The following SPAST variants were observed in gnomAD, a reference collection of about 807,000 sequenced individuals.
The protein encoded by SPAST is spastin, also known as spastic paraplegia 4 (autosomal dominant; spastin).
Under a neutral mutation model 76.6 loss-of-function variants are expected in SPAST, and 30 were observed. The observed-to-expected ratio is 0.39, with a 90% CI of 0.29 to 0.53. SPAST has a LOEUF of 0.53. SPAST is among the 20% of genes least tolerant of loss of function. SPAST has a pLI of 0.68. For missense variants in SPAST, 717 were observed against 770.5 expected, an observed-to-expected ratio of 0.93 and a Z score of 0.82; for synonymous variants, 305 against 281.0, an observed-to-expected ratio of 1.09 and a Z score of -0.86.
chr2:32,121,535 C>CA, intron 7 of SPAST, among the ~76,000 whole-genome samples: 1 of 102,742 alleles, frequency 9.7e-6, no homozygotes, highest in African/African-American at 3.8e-5. Flanking sequence ...ATCTTTCTCA[C>CA]TTTTTTTTTT....
chr2:32,065,778 C>A (rs935374756), intron 1 of SPAST, among the ~76,000 whole-genome samples: 1 of 152,120 alleles, frequency 6.6e-6, no homozygotes, highest in African/African-American at 2.4e-5. Flanking sequence ...AAAAACTGTT[C>A]TAGAATTTCA....
At chr2:32,109,811 CACAT>C (rs979491060) in intron 4 of SPAST, among the ~76,000 whole-genome samples, 15 of 148,576 alleles carry the variant, frequency 1.0e-4, no homozygotes, top group African/African-American at 2.0e-4. Context: ...TATGTATACA[CACAT>C]ACATATATAG....
chr2:32,122,769 A>G (rs929287403), intron 7 of SPAST, among the ~76,000 whole-genome samples: 1 of 141,652 alleles, frequency 7.1e-6, no homozygotes, highest in Non-Finnish European at 1.6e-5. Flanking sequence ...GTGAAACCCC[A>G]TCTATATTTA....
chr2:32,143,357 A>C lies in SPAST; in HGVS notation c.1558A>C (p.Asn520His). Residue 520 changes from asparagine (N) to histidine (H), a missense_variant, in exon 14 of 17, where the codon AAT becomes CAT. Coordinates refer to ENST00000315285, the MANE Select transcript of SPAST (RefSeq NM_014946.4). ...TCAGACAAGACTACTTTTGCTTAAAAATCTGTTATGTAAACAAGGAAGTCC... is the reference window on the plus strand; with the variant it reads ...TCAGACAAGACTACTTTTGCTTAAACATCTGTTATGTAAACAAGGAAGTCC... ...NEETRLLLLK[N>H]LLCKQGSPLT... The C allele has an allele frequency of 1.2e-6, 2 of 1,601,704 alleles. No individual in the cohort carries two copies. Among genetic ancestry groups the C allele is most frequent in the Non-Finnish European group, 1.7e-6 (2 of 1,169,424 alleles).
Position 32,128,247 on chromosome 2 carries a change from G to A in SPAST, c.1174-161G>A, listed in dbSNP as rs2294176. ...TGGCCTCAAGTGATGCGCCTGCCTC[G>A]GCCTCCGAAAGTGCTGGGATTACAG... On this transcript the variant is annotated intron_variant, in intron 8 of 16. Transcript: ENST00000315285. 0.38 allele frequency: 223,501 copies of A among 590,124 alleles called. 44,777 individuals carry two copies. Among genetic ancestry groups the A allele is most frequent in the East Asian group, 0.61 (19,927 of 32,692 alleles). 36.6% of individuals were successfully genotyped at this position (590,124 alleles called of 1,614,324 possible).
chr2:32,129,267 T>A (rs1027646750), intron 9 of SPAST: 2 of 151,584 alleles, frequency 1.3e-5, no homozygotes, highest in Non-Finnish European at 2.9e-5. Flanking sequence ...TTTTTTTTTT[T>A]ATAATAGAGA....
chr2:32,078,697 C>T (rs1318222982), intron 1 of SPAST, among the ~76,000 whole-genome samples: 1 of 152,080 alleles, frequency 6.6e-6, no homozygotes, highest in Non-Finnish European at 1.5e-5. Context: ...TGAAAATCTT[C>T]CTTAACCTTA....
intron 9 of SPAST, chr2:32,130,051 T>G (rs1679318691): frequency 6.6e-6 from 1 of 152,494 alleles, no homozygotes; most frequent in Admixed American, 6.6e-5. Context: ...ATCCCAGTAC[T>G]TTGGGAGACT....
At chr2:32,124,040 A>T (rs1264540453) in intron 7 of SPAST, among the ~76,000 whole-genome samples, 1 of 152,130 alleles carries the variant, frequency 6.6e-6, no homozygotes, top group Non-Finnish European at 1.5e-5. Context: ...TGTTTAAATT[A>T]TAAACTTCTG....
Position 32,124,807 on chromosome 2 carries a change from A to C in SPAST, c.1099-2141A>C, listed in dbSNP as rs547183998. Among the ~76,000 whole-genome samples the C allele has an allele frequency of 7.9e-5, 12 of 152,350 alleles. No individual in the cohort carries two copies. In the East Asian group the frequency reaches 2.3e-3, roughly 29 times the overall value. On this transcript the variant is annotated intron_variant, in intron 7 of 16. Transcript: ENST00000315285. ...AGCCAGTCTGAAGAGGCTACACTAT[A>C]GGATTCTGACTATATGATGTTTTGG...
intron 4 of SPAST, among the ~76,000 whole-genome samples, chr2:32,105,859 C>T (rs534220599): frequency 6.6e-6 from 1 of 152,298 alleles, no homozygotes; most frequent in African/African-American, 2.4e-5. Flanking sequence ...TATGAGGCGT[C>T]AGTCAGCCCG....
At chr2:32,111,434 A>G (rs929441191) in intron 4 of SPAST, among the ~76,000 whole-genome samples, 2 of 146,932 alleles carry the variant, frequency 1.4e-5, no homozygotes, top group African/African-American at 4.9e-5. Context: ...TAGAGTATAT[A>G]TATAGTATAC....
rs1402262221 is a variant in SPAST at position 32,156,865 on chromosome 2, A to G, written c.*2369A>G. The G allele has an allele frequency of 6.6e-6, 1 of 152,202 alleles. No homozygotes were observed. The highest frequency in any genetic ancestry group is 1.5e-5 in the Non-Finnish European group (1 of 68,012). 9.4% of individuals were successfully genotyped at this position (152,202 alleles called of 1,614,324 possible). On this transcript the variant is annotated 3_prime_UTR_variant, in exon 17 of 17. Coordinates refer to ENST00000315285, the MANE Select transcript of SPAST (RefSeq NM_014946.4). ...TTAAACACTGAGTCAGAAAATCATT[A>G]CTGTATAGAAGTTGCTTTCCTGATC...
chr2:32,143,366 T>C lies in SPAST; in HGVS notation c.1567T>C (p.Cys523Arg), dbSNP rs765930645. The C allele has an allele frequency of 1.1e-5, 17 of 1,607,772 alleles. No individual in the cohort carries two copies. The highest frequency in any genetic ancestry group is 1.7e-4 in the Middle Eastern group (1 of 6,020). Residue 523 changes from cysteine (C) to arginine (R), a missense_variant, in exon 14 of 17, where the codon TGT becomes CGT. By Grantham distance (180) the Cys-to-Arg change is radical. Around this residue, in one of 3 missense-constraint regions of SPAST, gnomAD observed 96 missense variants for 127.6 expected, o/e 0.75. Coordinates refer to ENST00000315285, the MANE Select transcript of SPAST (RefSeq NM_014946.4). The part of the protein sequence containing the change: ...TRLLLLKNLL[C>R]KQGSPLTQKE... ...ACTACTTTTGCTTAAAAATCTGTTATGTAAACAAGGAAGTCCATTGACCCA... is the reference window on the plus strand; with the variant it reads ...ACTACTTTTGCTTAAAAATCTGTTACGTAAACAAGGAAGTCCATTGACCCA...
chr2:32,079,504 T>TAA (rs111840558), intron 1 of SPAST, among the ~76,000 whole-genome samples: 14 of 144,862 alleles, frequency 9.7e-5, no homozygotes, highest in Non-Finnish European at 1.4e-4. Flanking sequence ...AGACCCAGTC[T>TAA]AAAAAAAAAA....
At chr2:32,109,912 A>G (rs1678473284) in intron 4 of SPAST, among the ~76,000 whole-genome samples, 2 of 148,684 alleles carry the variant, frequency 1.3e-5, no homozygotes, top group African/African-American at 2.5e-5. Context: ...ATACACATAT[A>G]TAGTTACATA....
intron 9 of SPAST, among the ~76,000 whole-genome samples, chr2:32,130,917 G>A (rs1203273755): frequency 1.3e-5 from 2 of 152,148 alleles, no homozygotes; most frequent in African/African-American, 4.8e-5. Flanking sequence ...TTGTCTAGCT[G>A]CTATGAACAG....
At chr2:32,115,633 G>T (rs1235391073) in intron 5 of SPAST, 69 bp from the exon 6 acceptor site, 22 of 1,216,198 alleles carry the variant, frequency 1.8e-5, no homozygotes, top group Non-Finnish European at 2.5e-5. Context: ...TGAACTTTAA[G>T]GTTAACTTAT....
chr2:32,137,833 C>T (rs1679587727), intron 12 of SPAST, among the ~76,000 whole-genome samples: 2 of 152,128 alleles, frequency 1.3e-5, no homozygotes, highest in African/African-American at 4.8e-5. Context: ...ATGTAGTAGT[C>T]CGCAGTGTGT....
Sources: gnomAD v4.1 joint callset for allele counts (sites outside exome capture counted in the v4.1 genomes callset) on GRCh38, gnomAD v4.1.1 for gene constraint, gnomAD v4.1.1 regional missense constraint, MANE v1.5 for transcripts, NCBI Gene and HGNC (gene_info 2026-07-23, HGNC 2026-07-21) for gene names.